The following ZNF432 variants were observed in gnomAD, a reference collection of about 807,000 sequenced individuals.
The protein encoded by ZNF432 is zinc finger protein 432.
A neutral mutation model predicts 13.9 loss-of-function variants in ZNF432; 10 were observed. That is an observed-to-expected ratio of 0.72 (90% CI 0.44 to 1.22). The LOEUF is 1.22. ZNF432 is among the 50% of genes most tolerant of loss of function. ZNF432 has a pLI of 0.00. For missense variants in ZNF432, 793 were observed against 796.2 expected (o/e 1.00, Z 0.05); for synonymous variants, 247 against 256.2 (o/e 0.96, Z 0.34).
chr19:52,034,359 C>T lies in ZNF432; in HGVS notation c.1320G>A (p.Val440=). Residue 440 remains valine, a synonymous_variant, in exon 5 of 5, where the codon GTG becomes GTA. Coordinates refer to ENST00000221315, the MANE Select transcript of ZNF432 (RefSeq NM_014650.4). ...GCTGATGTATGATGAGCATGCTTTTCACAGTAAAACCTTTTCCACATTCAC... is the reference window on the plus strand; with the variant it reads ...GCTGATGTATGATGAGCATGCTTTTTACAGTAAAACCTTTTCCACATTCAC... ...LCSECGKGFT[V]KSMLIIHQRT... 1 of 1,613,702 alleles carries T rather than the reference C, an allele frequency of 6.2e-7. No homozygotes were observed. The highest frequency in any genetic ancestry group is 8.5e-7 in the Non-Finnish European group (1 of 1,179,842).
intron 2 of ZNF432, among the ~76,000 whole-genome samples, chr19:52,043,606 T>A (rs1012640598): frequency 6.6e-6 from 1 of 151,882 alleles, no homozygotes; most frequent in African/African-American, 2.4e-5. Context: ...CTCTTGCAGT[T>A]GAGACAAGAG....
intron 4 of ZNF432, among the ~76,000 whole-genome samples, chr19:52,036,601 G>A (rs867263523): frequency 6.6e-6 from 1 of 152,134 alleles, no homozygotes; most frequent in Non-Finnish European, 1.5e-5. Flanking sequence ...CAAGAATCTG[G>A]TTGGAGGTAT....
intron 4 of ZNF432, among the ~76,000 whole-genome samples, chr19:52,039,115 C>A (rs1356859512): frequency 1.3e-5 from 2 of 152,246 alleles, no homozygotes; most frequent in African/African-American, 4.8e-5. Context: ...TACTGTCACA[C>A]ACTGTGTGGC....
intron 2 of ZNF432, among the ~76,000 whole-genome samples, chr19:52,045,940 A>C (rs1392879350): frequency 6.6e-6 from 1 of 150,390 alleles, no homozygotes; most frequent in Admixed American, 6.7e-5. Context: ...GGTTGCAGTA[A>C]GCCAAGATCA....
intron 2 of ZNF432, among the ~76,000 whole-genome samples, chr19:52,042,486 C>T (rs1454585505): frequency 1.3e-5 from 2 of 152,030 alleles, no homozygotes; most frequent in Non-Finnish European, 2.9e-5. Context: ...GAAGTTGAGG[C>T]TGCAGTGAGC....
Position 52,034,312 on chromosome 19 carries a change from G to C in ZNF432, c.1367C>G (p.Pro456Arg). ...TTTCCCACATTCACTGCATGTGTAG[G>C]GCTTCTCTCCTGTATGAGTTCGCTG... ...IHQRTHTGEK[P>R]YTCSECGKGF... The change falls in exon 5 of 5, where the codon CCC (proline) becomes CGC (arginine). Residue 456 changes from proline to arginine, a missense_variant. Physicochemically the swap from Pro to Arg is moderately radical, Grantham distance 103. Coordinates refer to ENST00000221315, the MANE Select transcript of ZNF432 (RefSeq NM_014650.4). 6.2e-7 allele frequency: 1 copy of C among 1,609,656 alleles called. No individual in the cohort carries two copies. Among genetic ancestry groups the C allele is most frequent in the Non-Finnish European group, 8.5e-7 (1 of 1,177,178 alleles).
intron 2 of ZNF432, among the ~76,000 whole-genome samples, chr19:52,043,902 C>T (rs908622618): frequency 6.6e-6 from 1 of 152,186 alleles, no homozygotes; most frequent in African/African-American, 2.4e-5. Context: ...ATCCCCCTCT[C>T]GGAGAAACAC....
chr19:52,038,323 CTT>C (rs2087104085), intron 4 of ZNF432, among the ~76,000 whole-genome samples: 1 of 152,110 alleles, frequency 6.6e-6, no homozygotes, highest in Non-Finnish European at 1.5e-5. Context: ...GAGTTGTGCT[CTT>C]GTTGCCCAGG....
chr19:52,038,147 A>G (rs2087102245), intron 4 of ZNF432, among the ~76,000 whole-genome samples: 1 of 152,346 alleles, frequency 6.6e-6, no homozygotes, highest in Middle Eastern at 3.4e-3. Flanking sequence ...GATAAAAAAA[A>G]GTTTACATTA....
rs1026734495 is a variant in ZNF432 at position 52,048,741 on chromosome 19, T to C, written c.-239A>G. The C allele has an allele frequency of 6.5e-6, 1 of 152,694 alleles. No homozygotes were observed. Among genetic ancestry groups the C allele is most frequent in the African/African-American group, 2.4e-5 (1 of 41,440 alleles). The allele number at this position is 152,694 out of a possible 1,614,324, so 9.5% of individuals were successfully genotyped here. A position where few individuals can be genotyped will look rare whatever the true frequency, so the allele number is the denominator to read the frequency against. On this transcript the variant is annotated 5_prime_UTR_variant, in exon 1 of 5. Transcript: ENST00000221315. ...GCGACCTCTTAAAAGCTGAACTTAC[T>C]TCCCTAAACTTCTTCCACTTCTGGG...
At position 52,034,923 on chromosome 19, in the gene ZNF432, T is replaced by G; in HGVS notation, c.756A>C (p.Gln252His). The change falls in exon 5 of 5, where the codon CAA becomes CAC. Residue 252 changes from glutamine (Q) to histidine (H), a missense_variant. Coordinates refer to ENST00000221315, the MANE Select transcript of ZNF432 (RefSeq NM_014650.4). ...FSRKSRLNEH[Q>H]RIHKREKSFI... ...AAGATTTCTCTCTTTTATGAATTCT[T>G]TGATGTTCATTTAGCCTGGACTTTC... is the stretch of plus-strand genomic sequence containing the variant. 1 of 1,612,910 alleles carries G rather than the reference T, an allele frequency of 6.2e-7. No homozygotes were observed. Among genetic ancestry groups the G allele is most frequent in the Middle Eastern group, 1.7e-4 (1 of 6,052 alleles).
chr19:52,038,966 G>A (rs948588591), intron 4 of ZNF432, among the ~76,000 whole-genome samples: 6 of 152,248 alleles, frequency 3.9e-5, no homozygotes, highest in Non-Finnish European at 7.3e-5. Context: ...TGGAAAAACT[G>A]GACACTCTAG....
At chr19:52,047,178 T>G in intron 1 of ZNF432, 118 bp from the exon 2 acceptor site, 1 of 371,504 alleles carries the variant, frequency 2.7e-6, no homozygotes. Flanking sequence ...GTAGGCCAAA[T>G]GCCTTTCTTC....
Position 52,048,823 on chromosome 19 carries a change from A to T in ZNF432, c.-321T>A, listed in dbSNP as rs771153825. ...TCCAGAGACGGTCAGCCGCGTTTCC[A>T]TGGAGAGCGGAATGCGGCCTTCCGG... On this transcript the variant is annotated 5_prime_UTR_variant, in exon 1 of 5. It removes an upstream start codon present in the reference 5' UTR. Coordinates refer to ENST00000221315, the MANE Select transcript of ZNF432 (RefSeq NM_014650.4). The T allele has an allele frequency of 2.0e-5, 3 of 152,242 alleles. No individual in the cohort carries two copies. Among genetic ancestry groups the T allele is most frequent in the South Asian group, 4.1e-4 (2 of 4,824 alleles). 9.4% of individuals were successfully genotyped at this position (152,242 alleles called of 1,614,324 possible).
At chr19:52,045,477 C>T (rs2087172813) in intron 2 of ZNF432, among the ~76,000 whole-genome samples, 1 of 148,348 alleles carries the variant, frequency 6.7e-6, no homozygotes, top group South Asian at 2.1e-4. Flanking sequence ...CTGTCTCAGT[C>T]TCCTGAGTAG....
At chr19:52,043,660 C>A (rs1393743721) in intron 2 of ZNF432, among the ~76,000 whole-genome samples, 2 of 152,114 alleles carry the variant, frequency 1.3e-5, no homozygotes, top group Admixed American at 6.5e-5. Flanking sequence ...TGGAATGTCT[C>A]GGTATAAAAC....
Position 52,035,108 on chromosome 19 carries a change from G to A in ZNF432, c.571C>T (p.Gln191Ter). The change falls in exon 5 of 5, where the codon CAA becomes TAA. Residue 191 changes from glutamine (Q) to a stop codon, truncating the protein, a stop_gained. Coordinates refer to ENST00000221315, the MANE Select transcript of ZNF432 (RefSeq NM_014650.4). LOFTEE classifies it low-confidence loss of function (END_TRUNC). ...VSTKANSTKS[Q>*]VSKHQRTHEI... ...TGAGTTCTCTGATGCTTACTGACTTGGGATTTAGTGCTATTGGCTTTTGTA... is the reference window on the plus strand; with the variant it reads ...TGAGTTCTCTGATGCTTACTGACTTAGGATTTAGTGCTATTGGCTTTTGTA... The A allele has an allele frequency of 6.2e-7, 1 of 1,613,932 alleles. No individual in the cohort carries two copies. The highest frequency in any genetic ancestry group is 8.5e-7 in the Non-Finnish European group (1 of 1,179,996).
At chr19:52,039,644 C>A (rs761756229) in intron 4 of ZNF432, among the ~76,000 whole-genome samples, 3 of 151,372 alleles carry the variant, frequency 2.0e-5, no homozygotes, top group African/African-American at 7.3e-5. Flanking sequence ...CCAAACTGGC[C>A]AACATGGTGA....
chr19:52,036,838 T>C (rs2087086402), intron 4 of ZNF432, among the ~76,000 whole-genome samples: 1 of 152,122 alleles, frequency 6.6e-6, no homozygotes, highest in South Asian at 2.1e-4. Flanking sequence ...GCCTGATTGA[T>C]TTTTGTATTG....
Sources: allele counts gnomAD v4.1 joint callset (sites outside exome capture counted in the v4.1 genomes callset), GRCh38; gene constraint gnomAD v4.1.1; transcripts MANE v1.5; gene names NCBI Gene and HGNC (gene_info 2026-07-23, HGNC 2026-07-21).